The following LPP variants were observed in gnomAD, a reference collection of about 807,000 sequenced individuals.
The protein encoded by LPP is LIM domain containing preferred translocation partner in lipoma, also known as lipoma-preferred partner.
A neutral mutation model predicts 60.4 loss-of-function variants in LPP; 38 were observed. The ratio of observed to expected loss-of-function variants is 0.63; its 90% CI spans 0.49 to 0.83. LPP has a LOEUF of 0.83. LPP is among the 40% of genes least tolerant of loss of function. The pLI is 0.00. For synonymous variants in LPP, 328 were observed against 290.8 expected, an observed-to-expected ratio of 1.13 and a Z score of -1.30; for missense variants, 902 against 783.6, an observed-to-expected ratio of 1.15 and a Z score of -1.80.
intron 3 of LPP, among the ~76,000 whole-genome samples, chr3:188,393,246 G>T (rs1169870893): frequency 6.6e-6 from 1 of 152,054 alleles, no homozygotes; most frequent in African/African-American, 2.4e-5. Flanking sequence ...GAATAGGTTA[G>T]TTGATAATAG....
chr3:188,442,597 T>C (rs1267396952), intron 4 of LPP, among the ~76,000 whole-genome samples: 1 of 152,158 alleles, frequency 6.6e-6, no homozygotes, highest in East Asian at 1.9e-4. Flanking sequence ...GGCAGCAACA[T>C]ATTTTCTATA....
chr3:188,276,819 A>G (rs1352475322), intron 2 of LPP, among the ~76,000 whole-genome samples: 4 of 147,066 alleles, frequency 2.7e-5, no homozygotes, highest in Non-Finnish European at 4.5e-5. Context: ...ACAGAAGGAG[A>G]TGCTGCTATG....
At chr3:188,822,137 C>G (rs1370612661) in intron 9 of LPP, among the ~76,000 whole-genome samples, 3 of 152,116 alleles carry the variant, frequency 2.0e-5, no homozygotes, top group Non-Finnish European at 4.4e-5. Flanking sequence ...AGGGTCTCTA[C>G]TAGCTAAGTT....
intron 8 of LPP, among the ~76,000 whole-genome samples, chr3:188,757,003 C>T (rs1048981401): frequency 7.2e-5 from 11 of 152,314 alleles, no homozygotes; most frequent in African/African-American, 1.7e-4. Flanking sequence ...TCATTCTCTC[C>T]GTGAGGGAAA....
intron 6 of LPP, among the ~76,000 whole-genome samples, chr3:188,527,517 A>G (rs1165309644): frequency 6.6e-6 from 1 of 152,156 alleles, no homozygotes; most frequent in Non-Finnish European, 1.5e-5. Context: ...TGAAAAAGGA[A>G]CATAGGAAAT....
chr3:188,291,115 G>A (rs1745777539), intron 2 of LPP, among the ~76,000 whole-genome samples: 2 of 152,166 alleles, frequency 1.3e-5, no homozygotes, highest in African/African-American at 2.4e-5. Context: ...TTTTAAAGAT[G>A]TGTTGCTGAG....
Position 188,760,294 on chromosome 3 carries a change from A to T in LPP, c.1410+12A>T. Reference sequence around the variant, plus strand: ...AGCCCTGCTACATTGTAAGTTCCAGATTTGTTCCTCAAGCACTTTGCAAAG... The same window carrying T: ...AGCCCTGCTACATTGTAAGTTCCAGTTTTGTTCCTCAAGCACTTTGCAAAG... On this transcript the variant is annotated intron_variant, in intron 9 of 11. Transcript: ENST00000617246. 1 of 1,613,876 alleles carries T rather than the reference A, an allele frequency of 6.2e-7. No homozygotes were observed. The highest frequency in any genetic ancestry group is 1.7e-4 in the Middle Eastern group (1 of 6,060).
chr3:188,385,632 C>T (rs958674802), intron 3 of LPP, among the ~76,000 whole-genome samples: 5 of 152,196 alleles, frequency 3.3e-5, no homozygotes, highest in Admixed American at 6.5e-5. Context: ...CTGATTCACT[C>T]TACAAAGAAG....
In LPP at chr3:188,158,768, C is replaced by A. The variant is rs1717291101; in HGVS notation, c.-190+4516C>A. Among the ~76,000 whole-genome samples, 3 of 152,198 alleles carry A rather than the reference C, an allele frequency of 2.0e-5. No homozygotes were observed. The South Asian group carries it at 6.2e-4, about 31-fold the overall frequency. On this transcript the variant is annotated intron_variant, in intron 1 of 11. Coordinates refer to ENST00000617246, the MANE Select transcript of LPP (RefSeq NM_001375462.1). ...CAACTACCAGGAGGCATTCAAACTT[C>A]TGCCTCATTCTTATAGCCTCTTCAC...
chr3:188,356,219 TA>T (rs1403509983), intron 3 of LPP, among the ~76,000 whole-genome samples: 4 of 152,182 alleles, frequency 2.6e-5, no homozygotes, highest in African/African-American at 9.7e-5. Context: ...TTTTTCCTAC[TA>T]AAAGGGCAGA....
intron 7 of LPP, among the ~76,000 whole-genome samples, chr3:188,682,674 G>T (rs865868083): frequency 2.0e-5 from 3 of 152,160 alleles, no homozygotes; most frequent in Non-Finnish European, 4.4e-5. Flanking sequence ...GTTGGCAAGC[G>T]GAGTAAACAC....
chr3:188,435,358 T>C (rs1420904527), intron 4 of LPP, among the ~76,000 whole-genome samples: 2 of 152,178 alleles, frequency 1.3e-5, no homozygotes, highest in Non-Finnish European at 2.9e-5. Context: ...AGCTGTTTTT[T>C]CTTCCAATTT....
chr3:188,398,635 A>C (rs76908991), intron 3 of LPP, among the ~76,000 whole-genome samples: 1,845 of 152,326 alleles, frequency 0.012, 11 homozygotes, highest in Non-Finnish European at 0.019. Flanking sequence ...GCTTCAGAGG[A>C]AGAGTGAATA....
At chr3:188,242,582 C>T (rs529236627) in intron 2 of LPP, among the ~76,000 whole-genome samples, 2 of 152,120 alleles carry the variant, frequency 1.3e-5, no homozygotes, top group African/African-American at 4.8e-5. Context: ...TTACCCTCAC[C>T]ACTTACAGTC....
At chr3:188,222,830 C>T (rs1170956736) in intron 1 of LPP, among the ~76,000 whole-genome samples, 1 of 152,056 alleles carries the variant, frequency 6.6e-6, no homozygotes, top group African/African-American at 2.4e-5. Context: ...TCAGCCTTTA[C>T]TTATTTTCTT....
rs138055125 is a variant in LPP at position 188,441,343 on chromosome 3, G to A, written c.193+35030G>A. On this transcript the variant is annotated intron_variant, in intron 4 of 11. Coordinates refer to ENST00000617246, the MANE Select transcript of LPP (RefSeq NM_001375462.1). ...ATCAGAATATATTAGAAGATAATTT[G>A]CAAGCAGGGATTGGTTAAAGTTGAA... 4.6e-3 allele frequency among the ~76,000 whole-genome samples: 703 copies of A among 152,146 alleles called. 5 individuals are homozygous for A. Among genetic ancestry groups the A allele is most frequent in the African/African-American group, 0.016 (677 of 41,512 alleles).
chr3:188,719,481 CTT>C (rs1434432110), intron 8 of LPP, among the ~76,000 whole-genome samples: 2 of 152,164 alleles, frequency 1.3e-5, no homozygotes, highest in Non-Finnish European at 2.9e-5. Context: ...ATCACTATCT[CTT>C]TATCAGAAGA....
chr3:188,446,667 G>T (rs1205146534), intron 4 of LPP, among the ~76,000 whole-genome samples: 1 of 152,064 alleles, frequency 6.6e-6, no homozygotes, highest in East Asian at 1.9e-4. Flanking sequence ...TTGTGGCATT[G>T]CTTTCATTGT....
rs1030480559 is a variant in LPP, at chr3:188,880,896, C to G, written c.*6417C>G. ...AAAATAGAATCATGCTTTGGGAGGC[C>G]AAGGCGGGCCGATCACGAGGTCAGG... On this transcript the variant is annotated 3_prime_UTR_variant, in exon 12 of 12. Transcript: ENST00000617246. 1.2e-5 allele frequency: 2 copies of G among 170,728 alleles called. No homozygotes were observed. Among genetic ancestry groups the G allele is most frequent in the Admixed American group, 1.3e-4 (2 of 15,604 alleles). 10.6% of individuals were successfully genotyped at this position (170,728 alleles called of 1,614,324 possible).
Sources: gnomAD v4.1 joint callset for allele counts (sites outside exome capture counted in the v4.1 genomes callset) on GRCh38, gnomAD v4.1.1 for gene constraint, MANE v1.5 for transcripts, NCBI Gene and HGNC (gene_info 2026-07-23, HGNC 2026-07-21) for gene names.